MS4A7: variants seen among roughly 807,000 people sequenced by gnomAD.
MS4A7 encodes membrane spanning 4-domains A7.
A neutral mutation model predicts 23.5 loss-of-function variants in MS4A7; 21 were observed. That is an observed-to-expected ratio of 0.89 (90% CI 0.63 to 1.29). MS4A7 has a LOEUF of 1.29. Among genes scored for constraint, MS4A7 ranks in the 50% most tolerant of loss-of-function variants. MS4A7 has a pLI of 0.00. For synonymous variants in MS4A7, 111 were observed against 107.4 expected (o/e 1.03, Z -0.21); for missense variants, 263 against 274.2 (o/e 0.96, Z 0.29).
Position 60,393,977 on chromosome 11 carries a change from A to AT in MS4A7, c.*116_*117insT. 1.7e-6 allele frequency: 1 copy of AT among 579,598 alleles called. No individual in the cohort carries two copies. Among genetic ancestry groups the AT allele is most frequent in the South Asian group, 3.7e-5 (1 of 26,978 alleles). The allele number at this position is 579,598 out of a possible 1,614,324, so 35.9% of individuals were successfully genotyped here. ...CTGTGAAACAAACTAAAAAAAAAAA[A>AT]GCTTTTGTTTTGTATTTGTTTACTA... On this transcript the variant is annotated 3_prime_UTR_variant, in exon 7 of 7. Transcript: ENST00000300184.
At chr11:60,391,654 C>T (rs537514699) in intron 5 of MS4A7, among the ~76,000 whole-genome samples, 2 of 152,220 alleles carry the variant, frequency 1.3e-5, no homozygotes, top group African/African-American at 2.4e-5. Context: ...TGCAGTGGCT[C>T]ACAACTGTAA....
chr11:60,384,776 A>G (rs1383310310), intron 2 of MS4A7, among the ~76,000 whole-genome samples: 2 of 152,192 alleles, frequency 1.3e-5, no homozygotes, highest in African/African-American at 4.8e-5. Flanking sequence ...TTTCCACCTC[A>G]CTGGACAACT....
chr11:60,387,577 T>C (rs1466941970), intron 4 of MS4A7, among the ~76,000 whole-genome samples: 1 of 151,874 alleles, frequency 6.6e-6, no homozygotes, highest in Non-Finnish European at 1.5e-5. Context: ...TAAAGTAAGG[T>C]GGGAGAAAAT....
chr11:60,389,500 C>A lies in MS4A7; in HGVS notation c.450C>A (p.Gly150=), dbSNP rs1448743160. ...TGAGGACTGCCTCTCAACATTGTGG[C>A]TCAGAAATGGATTATCTATCCTCAT... ...VALRTASQHC[G]SEMDYLSSLP... The change falls in exon 5 of 7, where the codon GGC becomes GGA. Residue 150 remains glycine, a synonymous_variant. Coordinates refer to ENST00000300184, the MANE Select transcript of MS4A7 (RefSeq NM_021201.5). The A allele has an allele frequency of 6.2e-7, 1 of 1,614,102 alleles. No homozygotes were observed. Among genetic ancestry groups the A allele is most frequent in the Non-Finnish European group, 8.5e-7 (1 of 1,179,944 alleles).
At chr11:60,387,255 T>C (rs1026215885) in intron 4 of MS4A7, among the ~76,000 whole-genome samples, 12 of 152,200 alleles carry the variant, frequency 7.9e-5, no homozygotes, top group African/African-American at 2.7e-4. Context: ...TTGTTTGGTT[T>C]TCCCAGGACT....
chr11:60,394,036 T>A lies in MS4A7; in HGVS notation c.*175T>A. 1 of 383,396 alleles carries A rather than the reference T, an allele frequency of 2.6e-6. No individual in the cohort carries two copies. Among genetic ancestry groups the A allele is most frequent in the Non-Finnish European group, 4.3e-6 (1 of 232,164 alleles). The allele number at this position is 383,396 out of a possible 1,614,324, so 23.7% of individuals were successfully genotyped here. ...TATTTAATTTCTCTTGAAAATAATT[T>A]CCTCAAAGCCCAAGTCAATAAATGT... On this transcript the variant is annotated 3_prime_UTR_variant, in exon 7 of 7. Transcript: ENST00000300184.
At chr11:60,384,382 T>A (rs978211435) in intron 2 of MS4A7, among the ~76,000 whole-genome samples, 1 of 152,236 alleles carries the variant, frequency 6.6e-6, no homozygotes, top group African/African-American at 2.4e-5. Flanking sequence ...GGAACTTGTC[T>A]GTACCTTTAC....
At position 60,392,906 on chromosome 11, in the gene MS4A7, G is replaced by C. The variant is rs1454511135; in HGVS notation, c.648+120G>C. 5.0e-5 allele frequency: 33 copies of C among 655,630 alleles called. 1 individual carries two copies. The highest frequency in any genetic ancestry group is 1.6e-4 in the South Asian group (8 of 50,902). The allele number at this position is 655,630 out of a possible 1,614,324, so 40.6% of individuals were successfully genotyped here. On this transcript the variant is annotated intron_variant, in intron 6 of 6. Transcript: ENST00000300184. Reference sequence around the variant, plus strand: ...ATTGTTCATGAGGTGCATGTGGAAGGCCACTTTTATAATTAAAAAAATGAG... The same window carrying C: ...ATTGTTCATGAGGTGCATGTGGAAGCCCACTTTTATAATTAAAAAAATGAG...
rs111972969 is a variant in MS4A7, at chr11:60,383,280, G to A, written c.139G>A (p.Val47Ile). 2.0e-5 allele frequency: 33 copies of A among 1,614,058 alleles called. No individual in the cohort carries two copies. The highest frequency in any genetic ancestry group is 1.7e-4 in the Middle Eastern group (1 of 6,060). The change falls in exon 2 of 7, where the codon GTT (valine) becomes ATT (isoleucine). Residue 47 changes from valine to isoleucine, a missense_variant. Transcript: ENST00000300184. The part of the protein sequence containing the change: ...LQNGLPTETT[V>I]LGTVQILCCL... ...GAACGGGCTGCCAACAGAAACCACC[G>A]TTCTTGGGGTAAGTCCACCTCATTA...
At chr11:60,389,263 G>A in intron 4 of MS4A7, 127 bp from the exon 5 acceptor site, 2 of 670,446 alleles carry the variant, frequency 3.0e-6, no homozygotes, top group East Asian at 2.7e-5. Flanking sequence ...AACACAGTTT[G>A]TGCCCACACA....
intron 1 of MS4A7, among the ~76,000 whole-genome samples, chr11:60,379,635 C>T (rs944563047): frequency 5.9e-5 from 9 of 152,006 alleles, no homozygotes; most frequent in South Asian, 2.1e-4. Context: ...CAGGTTCAAG[C>T]GATTCTCCCA....
intron 4 of MS4A7, 165 bp from the exon 5 acceptor site, chr11:60,389,225 T>C: frequency 1.7e-6 from 1 of 599,672 alleles, no homozygotes; most frequent in East Asian, 2.8e-5. Context: ...ATTAACTAAA[T>C]AGCGACAAGA....
chr11:60,393,483 T>A (rs1235806840), intron 6 of MS4A7, among the ~76,000 whole-genome samples: 1 of 152,188 alleles, frequency 6.6e-6, no homozygotes, highest in African/African-American at 2.4e-5. Flanking sequence ...CTTCCTTACA[T>A]CCCCTTAGCT....
At chr11:60,388,293 C>T (rs2085512740) in intron 4 of MS4A7, among the ~76,000 whole-genome samples, 1 of 152,180 alleles carries the variant, frequency 6.6e-6, no homozygotes, top group Non-Finnish European at 1.5e-5. Flanking sequence ...ATTCATCTTC[C>T]ACATTTTATA....
At chr11:60,388,779 G>A (rs553909188) in intron 4 of MS4A7, among the ~76,000 whole-genome samples, 2 of 152,218 alleles carry the variant, frequency 1.3e-5, no homozygotes, top group East Asian at 3.8e-4. Flanking sequence ...CTAAGCCCAT[G>A]TGCCTCTGCC....
chr11:60,386,718 T>C lies in MS4A7; in HGVS notation c.284T>C (p.Phe95Ser), dbSNP rs752290464. 12 of 1,612,572 alleles carry C rather than the reference T, an allele frequency of 7.4e-6. No individual in the cohort carries two copies. Among genetic ancestry groups the C allele is most frequent in the Non-Finnish European group, 2.5e-6 (3 of 1,178,692 alleles). The change falls in exon 4 of 7, where the codon TTT becomes TCT. Residue 95 changes from phenylalanine (F) to serine (S), a missense_variant and splice_region_variant. Physicochemically the swap from Phe to Ser is radical, Grantham distance 155. Coordinates refer to ENST00000300184, the MANE Select transcript of MS4A7 (RefSeq NM_021201.5). The stretch of plus-strand genomic sequence containing the variant: ...ATCATTTCTCTCTCTTCTGGGCAGT[T>C]TGGCATTACTGGATCCCTCTCAATT... ...SGYPFLGALC[F>S]GITGSLSIIS...
In MS4A7 at chr11:60,386,741, A is replaced by G. The variant is rs1034203473; in HGVS notation, c.307A>G (p.Ile103Val). The change falls in exon 4 of 7, where the codon ATT becomes GTT. Residue 103 changes from isoleucine (I) to valine (V), a missense_variant. Physicochemically the swap from Ile to Val is conservative, Grantham distance 29. Transcript: ENST00000300184. ...GTTTGGCATTACTGGATCCCTCTCA[A>G]TTATCTCTGGAAAACAATCAACTAA... ...LCFGITGSLS[I>V]ISGKQSTKPF... 6.2e-6 allele frequency: 10 copies of G among 1,613,358 alleles called. No individual in the cohort carries two copies. In the African/African-American group the frequency reaches 9.3e-5, roughly 15 times the overall value.
chr11:60,386,659 A>G, intron 3 of MS4A7, 58 bp from the exon 4 acceptor site: 2 of 1,374,114 alleles, frequency 1.5e-6, no homozygotes, highest in African/African-American at 1.4e-5. Flanking sequence ...TGACAGTGAC[A>G]TGGTGGGCAC....
intron 4 of MS4A7, among the ~76,000 whole-genome samples, chr11:60,387,996 T>C (rs2085510036): frequency 6.6e-6 from 1 of 152,236 alleles, no homozygotes; most frequent in African/African-American, 2.4e-5. Flanking sequence ...TTCCAGCACA[T>C]GCTCCTCTCT....
Sources: gnomAD v4.1 joint callset for allele counts (sites outside exome capture counted in the v4.1 genomes callset) on GRCh38, gnomAD v4.1.1 for gene constraint, MANE v1.5 for transcripts, NCBI Gene and HGNC (gene_info 2026-07-23, HGNC 2026-07-21) for gene names.